The following SYTL2 variants were observed in gnomAD, a reference collection of about 807,000 sequenced individuals.
SYTL2 encodes the protein synaptotagmin-like protein 2.
In SYTL2, 165 loss-of-function variants were observed where a neutral mutation model predicts 198.7. That is an observed-to-expected ratio of 0.83 (90% CI 0.73 to 0.94). The LOEUF (loss-of-function observed/expected upper bound fraction) is 0.94. Ranked by LOEUF, SYTL2 falls within the 40% of genes least tolerant of loss-of-function variation. The probability of loss-of-function intolerance (pLI) is 0.00; values close to 1 mark genes in which losing one functional copy is unlikely to be tolerated. For missense variants in SYTL2, 2,835 were observed against 2,582.8 expected, an observed-to-expected ratio of 1.10 and a Z score of -2.12; for synonymous variants, 966 against 917.7, an observed-to-expected ratio of 1.05 and a Z score of -0.95.
the SYTL2 span, among the ~76,000 whole-genome samples, chr11:85,819,696 G>A: frequency 6.6e-6 from 1 of 152,142 alleles, no homozygotes; most frequent in Non-Finnish European, 1.5e-5. Flanking sequence ...GTTTCATCAG[G>A]GACCACCAAT....
At position 85,725,358 on chromosome 11, in the gene SYTL2, G is replaced by A. The variant is rs1322987995; in HGVS notation, c.4000C>T (p.Pro1334Ser). ...TGGGGAACAAGATGAGCATCCTGGG[G>A]AAAAAGCATATCTTGGGGAGGGCTG... The part of the protein sequence containing the change: ...VASPPQDMLF[P>S]QDAHLVPQAR... The change falls in exon 8 of 20, where the codon CCC (proline) becomes TCC (serine). Residue 1334 changes from proline (P) to serine (S), a missense_variant. Transcript: ENST00000359152. The A allele has an allele frequency of 1.9e-5, 30 of 1,613,618 alleles. No individual in the cohort carries two copies. The highest frequency in any genetic ancestry group is 2.4e-5 in the Non-Finnish European group (28 of 1,179,888).
Position 85,734,862 on chromosome 11 carries a change from A to G in SYTL2, c.587-120T>C, listed in dbSNP as rs2153489916. The G allele has an allele frequency of 8.8e-6, 7 of 799,006 alleles. No homozygotes were observed. In the East Asian group the frequency reaches 1.9e-4, roughly 22 times the overall value. The allele number at this position is 799,006 out of a possible 1,614,324, so 49.5% of individuals were successfully genotyped here. On this transcript the variant is annotated intron_variant, in intron 6 of 19. Coordinates refer to ENST00000359152, the MANE Select transcript of SYTL2 (RefSeq NM_206927.4). ...ATTAAAATATTAAAGACAGTAAAGT[A>G]TGTGGCACAACTACAGGCCTAATGT...
At chr11:85,820,358 G>A in the SYTL2 span, among the ~76,000 whole-genome samples, 1 of 152,260 alleles carries the variant, frequency 6.6e-6, no homozygotes, top group East Asian at 1.9e-4. Flanking sequence ...GAGCACATGG[G>A]TTTTACCAAA....
the SYTL2 span, among the ~76,000 whole-genome samples, chr11:85,840,968 T>C: frequency 6.6e-6 from 1 of 152,108 alleles, no homozygotes; most frequent in East Asian, 1.9e-4. Flanking sequence ...ATCCAGCATC[T>C]ATAAGGAACT....
At chr11:85,852,175 T>C in the SYTL2 span, among the ~76,000 whole-genome samples, 9,881 of 152,214 alleles carry the variant, frequency 0.065, 396 homozygotes, top group South Asian at 0.094. Flanking sequence ...ATAAAAAATA[T>C]GATAATCCAT....
At chr11:85,826,274 A>G in the SYTL2 span, among the ~76,000 whole-genome samples, 2 of 152,220 alleles carry the variant, frequency 1.3e-5, no homozygotes, top group African/African-American at 4.8e-5. Flanking sequence ...CTGCTGGAAG[A>G]CATCTAGTGG....
chr11:85,809,310 C>T (rs1040289735), intron 1 of SYTL2, among the ~76,000 whole-genome samples: 7 of 152,182 alleles, frequency 4.6e-5, no homozygotes, highest in African/African-American at 1.7e-4. Context: ...GCCCCACCCA[C>T]GCACTAGCAG....
At chr11:85,702,036 G>A (rs546287212) in intron 16 of SYTL2, among the ~76,000 whole-genome samples, 2 of 152,216 alleles carry the variant, frequency 1.3e-5, no homozygotes, top group African/African-American at 4.8e-5. Flanking sequence ...TGGAGCCCAC[G>A]GCCTGTCAAG....
At chr11:85,754,853 CT>C (rs1041332316) in intron 2 of SYTL2, among the ~76,000 whole-genome samples, 1 of 152,128 alleles carries the variant, frequency 6.6e-6, no homozygotes, top group African/African-American at 2.4e-5. Context: ...CTTACTGTTC[CT>C]TTCTGAAAGA....
intron 2 of SYTL2, among the ~76,000 whole-genome samples, chr11:85,750,763 G>A (rs1356161469): frequency 8.4e-6 from 1 of 119,628 alleles, no homozygotes; most frequent in Non-Finnish European, 1.7e-5. Flanking sequence ...CTGTGATTAA[G>A]TGAACCTCAG....
intron 18 of SYTL2, 110 bp from the exon 19 acceptor site, chr11:85,696,498 GGAGA>G: frequency 1.1e-6 from 1 of 907,380 alleles, no homozygotes; most frequent in Non-Finnish European, 1.8e-6. Context: ...GAAAAGATGT[GGAGA>G]GATAGTGGTG....
intron 1 of SYTL2, among the ~76,000 whole-genome samples, chr11:85,773,023 A>G (rs1290296421): frequency 6.6e-6 from 1 of 152,130 alleles, no homozygotes; most frequent in Admixed American, 6.5e-5. Context: ...CAACACTGAA[A>G]TTTCCTTGGG....
chr11:85,840,115 C>T, the SYTL2 span, among the ~76,000 whole-genome samples: 1 of 152,112 alleles, frequency 6.6e-6, no homozygotes, highest in Non-Finnish European at 1.5e-5. Flanking sequence ...AAATCTTTTG[C>T]CCATTTCTTA....
the SYTL2 span, among the ~76,000 whole-genome samples, chr11:85,816,263 T>G: frequency 6.6e-6 from 1 of 152,242 alleles, no homozygotes; most frequent in Admixed American, 6.5e-5. Context: ...CATTAGTTAT[T>G]ACTTCAGTGT....
intron 2 of SYTL2, among the ~76,000 whole-genome samples, chr11:85,750,188 T>C (rs2091430565): frequency 1.3e-5 from 2 of 152,182 alleles, no homozygotes; most frequent in South Asian, 4.1e-4. Context: ...AGATGGGATC[T>C]TGGACAGTTT....
chr11:85,836,945 C>A, the SYTL2 span, among the ~76,000 whole-genome samples: 4 of 152,140 alleles, frequency 2.6e-5, no homozygotes, highest in Non-Finnish European at 5.9e-5. Context: ...ATGACTATTT[C>A]TCCACCCCAT....
chr11:85,823,575 GT>G, the SYTL2 span, among the ~76,000 whole-genome samples: 1 of 151,938 alleles, frequency 6.6e-6, no homozygotes, highest in Admixed American at 6.5e-5. Context: ...TTCCCTTTTT[GT>G]TTCTTTAAGT....
At position 85,810,604 on chromosome 11, in the gene SYTL2, CAGTT is replaced by C. The variant is rs143307227; in HGVS notation, c.-390+346_-390+349del. On this transcript the variant is annotated intron_variant, in intron 1 of 19. Transcript: ENST00000359152. ...TTTCTGCACCTGAGCAATCTGGGGG[CAGTT>C]ACTCTGCAGCCAGGTCTCCCCAGCA... Among the ~76,000 whole-genome samples, 694 of 152,206 alleles carry C rather than the reference CAGTT, an allele frequency of 4.6e-3. 9 individuals are homozygous for C. The highest frequency in any genetic ancestry group is 0.041 in the East Asian group (210 of 5,162).
At chr11:85,703,572 T>C (rs562461456) in intron 16 of SYTL2, among the ~76,000 whole-genome samples, 92 of 152,246 alleles carry the variant, frequency 6.0e-4, no homozygotes, top group Middle Eastern at 6.8e-3. Flanking sequence ...CAAGAAAATC[T>C]GAAATAATCT....
Sources: allele counts gnomAD v4.1 joint callset (sites outside exome capture counted in the v4.1 genomes callset), GRCh38; gene constraint gnomAD v4.1.1; transcripts MANE v1.5; gene names NCBI Gene and HGNC (gene_info 2026-07-23, HGNC 2026-07-21).